Variants in NCKAP5 observed in about 807,000 individuals in gnomAD.
The protein encoded by NCKAP5 is NCK associated protein 5, also known as nck-associated protein 5.
NCKAP5 carries 92 observed loss-of-function variants against 167.0 expected under a neutral mutation model. The ratio of observed to expected loss-of-function variants is 0.55; its 90% CI spans 0.47 to 0.66. The LOEUF is 0.66. NCKAP5 is among the 30% of genes least tolerant of loss of function. NCKAP5 has a pLI of 0.00. For missense variants in NCKAP5, 2,378 were observed against 2,315.0 expected (o/e 1.03, Z -0.56); for synonymous variants, 891 against 877.4 (o/e 1.02, Z -0.27).
At chr2:132,969,795 G>A (rs147153086) in intron 7 of NCKAP5, among the ~76,000 whole-genome samples, 23 of 152,330 alleles carry the variant, frequency 1.5e-4, no homozygotes, top group African/African-American at 5.1e-4. Flanking sequence ...AGCCACATCC[G>A]CATGCTGCTC....
At chr2:133,204,099 C>T (rs1188729451) in intron 5 of NCKAP5, among the ~76,000 whole-genome samples, 2 of 152,150 alleles carry the variant, frequency 1.3e-5, no homozygotes, top group African/African-American at 4.8e-5. Context: ...AACCCCAGAT[C>T]ATAAAAATGA....
chr2:132,825,197 C>T (rs1013652522), intron 11 of NCKAP5, among the ~76,000 whole-genome samples: 12 of 152,206 alleles, frequency 7.9e-5, no homozygotes, highest in Non-Finnish European at 1.2e-4. Flanking sequence ...CACAGGACAC[C>T]GACAAATAAT....
chr2:132,723,569 A>G (rs1690162430), intron 19 of NCKAP5, among the ~76,000 whole-genome samples: 1 of 152,216 alleles, frequency 6.6e-6, no homozygotes, highest in South Asian at 2.1e-4. Context: ...AATTTCAAAT[A>G]AAAGAGAAAA....
the NCKAP5 span, among the ~76,000 whole-genome samples, chr2:133,580,632 A>G: frequency 2.0e-5 from 3 of 152,166 alleles, no homozygotes; most frequent in Non-Finnish European, 4.4e-5. Flanking sequence ...ACTTAGAACA[A>G]ATCAGCATGG....
chr2:133,385,861 G>A (rs1198614140), intron 3 of NCKAP5, among the ~76,000 whole-genome samples: 1 of 152,148 alleles, frequency 6.6e-6, no homozygotes, highest in African/African-American at 2.4e-5. Flanking sequence ...TTCTCTGATG[G>A]TAGTTTGTAT....
At chr2:133,470,225 T>A (rs1044844776) in intron 3 of NCKAP5, among the ~76,000 whole-genome samples, 3 of 152,080 alleles carry the variant, frequency 2.0e-5, no homozygotes, top group African/African-American at 7.2e-5. Context: ...GTTTTCCTTC[T>A]AACAGACAGG....
intron 7 of NCKAP5, among the ~76,000 whole-genome samples, chr2:132,985,066 T>G (rs1398378278): frequency 6.6e-6 from 1 of 151,794 alleles, no homozygotes. Flanking sequence ...AGCGGGTACA[T>G]ACATTGGCAA....
intron 3 of NCKAP5, among the ~76,000 whole-genome samples, chr2:133,482,251 A>G (rs1466598536): frequency 1.3e-5 from 2 of 150,732 alleles, no homozygotes; most frequent in Non-Finnish European, 2.9e-5. Context: ...TGAGTCATGC[A>G]CTGACACTCA....
At chr2:133,020,819 G>T (rs1405923202) in intron 6 of NCKAP5, among the ~76,000 whole-genome samples, 1 of 152,150 alleles carries the variant, frequency 6.6e-6, no homozygotes, top group East Asian at 1.9e-4. Context: ...AAATCTAAGT[G>T]GGATTGTGAA....
chr2:133,344,460 T>C (rs776117086), intron 3 of NCKAP5, among the ~76,000 whole-genome samples: 7 of 142,590 alleles, frequency 4.9e-5, no homozygotes, highest in South Asian at 2.3e-4. Context: ...TTGAAGATAG[T>C]GGGGGAGAAG....
At chr2:133,174,654 G>A (rs2084379832) in intron 5 of NCKAP5, among the ~76,000 whole-genome samples, 1 of 151,272 alleles carries the variant, frequency 6.6e-6, no homozygotes, top group South Asian at 2.1e-4. Flanking sequence ...CATCTATTTG[G>A]GAGGCATTTC....
chr2:133,234,739 A>T (rs2087315656), intron 4 of NCKAP5, among the ~76,000 whole-genome samples: 1 of 152,104 alleles, frequency 6.6e-6, no homozygotes, highest in African/African-American at 2.4e-5. Flanking sequence ...TGACAAGAGA[A>T]GGCTTTATGT....
the NCKAP5 span, among the ~76,000 whole-genome samples, chr2:133,652,332 A>G: frequency 6.6e-6 from 1 of 152,234 alleles, no homozygotes. Context: ...GTTGAGTTAG[A>G]TAGTTATTAA....
At chr2:132,912,927 T>G (rs1694569607) in intron 8 of NCKAP5, among the ~76,000 whole-genome samples, 1 of 152,154 alleles carries the variant, frequency 6.6e-6, no homozygotes. Context: ...ATCAACAACT[T>G]CACAAATTTC....
At chr2:132,824,167 C>A (rs1486026390) in intron 11 of NCKAP5, among the ~76,000 whole-genome samples, 1 of 152,162 alleles carries the variant, frequency 6.6e-6, no homozygotes, top group African/African-American at 2.4e-5. Flanking sequence ...CCTCACTTAA[C>A]AGTTACTTCA....
At chr2:133,023,970 C>T (rs1336743786) in intron 6 of NCKAP5, among the ~76,000 whole-genome samples, 1 of 152,168 alleles carries the variant, frequency 6.6e-6, no homozygotes, top group Non-Finnish European at 1.5e-5. Context: ...GACTGGCTCT[C>T]CTGCATATAT....
At chr2:132,732,743 T>C (rs1691150782) in intron 16 of NCKAP5, among the ~76,000 whole-genome samples, 2 of 152,194 alleles carry the variant, frequency 1.3e-5, no homozygotes, top group African/African-American at 4.8e-5. Context: ...TAAATTGAAG[T>C]GACGTCCTAA....
chr2:132,914,062 C>A lies in NCKAP5; in HGVS notation c.580-35146G>T, dbSNP rs376234557. 1.9e-4 allele frequency among the ~76,000 whole-genome samples: 29 copies of A among 152,180 alleles called. 1 individual carries two copies. The highest frequency in any genetic ancestry group is 6.7e-4 in the African/African-American group (28 of 41,522). On this transcript the variant is annotated intron_variant, in intron 8 of 19. Transcript: ENST00000409261. The stretch of plus-strand genomic sequence containing the variant: ...CACCTTGAAAAATAAGCATAAGAGC[C>A]TTAATTGCCTTTTTCTTGGCATACA...
At chr2:132,707,446 A>G (rs1233294256) in intron 19 of NCKAP5, among the ~76,000 whole-genome samples, 2 of 152,134 alleles carry the variant, frequency 1.3e-5, no homozygotes, top group Non-Finnish European at 2.9e-5. Flanking sequence ...AAGGACTGCA[A>G]CTCTTGGGCA....
Sources: gnomAD v4.1 joint callset for allele counts (sites outside exome capture counted in the v4.1 genomes callset) on GRCh38, gnomAD v4.1.1 for gene constraint, MANE v1.5 for transcripts, NCBI Gene and HGNC (gene_info 2026-07-23, HGNC 2026-07-21) for gene names.